Variants in CNTN5 observed in about 807,000 individuals in gnomAD.
The protein encoded by CNTN5 is contactin-5.
A neutral mutation model predicts 129.1 loss-of-function variants in CNTN5; 77 were observed. The ratio of observed to expected loss-of-function variants is 0.60; its 90% CI spans 0.50 to 0.72. The LOEUF (loss-of-function observed/expected upper bound fraction) is 0.72, where lower values mean the gene tolerates loss of function less well. Among genes scored for constraint, CNTN5 ranks in the 30% least tolerant of loss-of-function variants. CNTN5 has a pLI of 0.00. For missense variants in CNTN5, 1,478 were observed against 1,328.8 expected, an observed-to-expected ratio of 1.11 and a Z score of -1.75; for synonymous variants, 509 against 465.6, an observed-to-expected ratio of 1.09 and a Z score of -1.20.
At chr11:100,282,065 T>C (rs543279779) in intron 18 of CNTN5, among the ~76,000 whole-genome samples, 1 of 151,562 alleles carries the variant, frequency 6.6e-6, no homozygotes, top group African/African-American at 2.4e-5. Context: ...AGGTCACATA[T>C]CTCCGTTTCT....
chr11:99,792,538 G>GGGGTGT (rs1005923299), intron 3 of CNTN5, among the ~76,000 whole-genome samples: 1 of 127,748 alleles, frequency 7.8e-6, no homozygotes, highest in African/African-American at 3.2e-5. Context: ...CCTGAAGAGG[G>GGGGTGT]GTGTGTGTGT....
intron 1 of CNTN5, among the ~76,000 whole-genome samples, chr11:99,257,402 TTTTACTAGTTTGTCAAACTATCCATC>T (rs1190652719): frequency 5.9e-5 from 9 of 152,058 alleles, no homozygotes; most frequent in Non-Finnish European, 1.3e-4. Flanking sequence ...TTATTGCTCT[TTTTACTAGTTTGTCAAACTATCCATC>T]TTTACTAGTT....
chr11:99,663,927 CA>C (rs1382794455), intron 3 of CNTN5, among the ~76,000 whole-genome samples: 3 of 152,106 alleles, frequency 2.0e-5, no homozygotes, highest in Non-Finnish European at 2.9e-5. Context: ...TAATAGCAAT[CA>C]AAAATTATTA....
At chr11:99,095,116 A>C (rs1866416263) in intron 1 of CNTN5, among the ~76,000 whole-genome samples, 1 of 151,862 alleles carries the variant, frequency 6.6e-6, no homozygotes, top group African/African-American at 2.4e-5. Flanking sequence ...ATTTCTTCTA[A>C]TCCATGCATA....
chr11:99,247,205 T>A (rs1047368494), intron 1 of CNTN5, among the ~76,000 whole-genome samples: 1 of 152,140 alleles, frequency 6.6e-6, no homozygotes, highest in African/African-American at 2.4e-5. Flanking sequence ...GAGGAAGATT[T>A]AAGTATAGAT....
rs376834105 is a variant in CNTN5 at position 99,816,385 on chromosome 11, T to C, written c.56-3159T>C. Among the ~76,000 whole-genome samples, 6 of 152,286 alleles carry C rather than the reference T, an allele frequency of 3.9e-5. No individual in the cohort carries two copies. The East Asian group carries it at 9.7e-4, about 24-fold the overall frequency. On this transcript the variant is annotated intron_variant, in intron 3 of 24. Transcript: ENST00000524871. Reference sequence around the variant, plus strand: ...CTGACGAACCTGCGTCTTCCTTACGTCTGCAGAATCTTAACATCAACATGA... The same window carrying C: ...CTGACGAACCTGCGTCTTCCTTACGCCTGCAGAATCTTAACATCAACATGA...
chr11:99,897,758 C>G (rs1949245396), intron 6 of CNTN5, among the ~76,000 whole-genome samples: 1 of 152,120 alleles, frequency 6.6e-6, no homozygotes, highest in Admixed American at 6.6e-5. Flanking sequence ...AAACAACTAG[C>G]TAACAACACT....
intron 2 of CNTN5, among the ~76,000 whole-genome samples, chr11:99,516,019 C>A (rs1203653692): frequency 1.3e-5 from 2 of 150,308 alleles, no homozygotes; most frequent in Non-Finnish European, 3.0e-5. Context: ...CTAGGTTTTT[C>A]TGACCGCTTA....
At chr11:99,796,809 T>A (rs1945957706) in intron 3 of CNTN5, among the ~76,000 whole-genome samples, 1 of 152,078 alleles carries the variant, frequency 6.6e-6, no homozygotes, top group Non-Finnish European at 1.5e-5. Flanking sequence ...TGCCAAATCC[T>A]CTGGGTGCTA....
intron 1 of CNTN5, among the ~76,000 whole-genome samples, chr11:99,206,487 A>G (rs1859489747): frequency 6.6e-6 from 1 of 152,152 alleles, no homozygotes; most frequent in Non-Finnish European, 1.5e-5. Context: ...CCTGTGCTCT[A>G]CAAGCTGAAG....
At chr11:99,488,307 C>T (rs1382677614) in intron 2 of CNTN5, among the ~76,000 whole-genome samples, 1 of 151,714 alleles carries the variant, frequency 6.6e-6, no homozygotes, top group Non-Finnish European at 1.5e-5. Context: ...TGAGTAGCTG[C>T]AACTATAGGC....
rs1232069155 is a variant in CNTN5 at position 99,942,333 on chromosome 11, TAGGG to T, written c.674-14470_674-14467del. ...TGTTGTGTGGATGATGGAAAGGGCG[TAGGG>T]AGACCATATAATATATATAAATAAT... On this transcript the variant is annotated intron_variant, in intron 7 of 24. Coordinates refer to ENST00000524871, the MANE Select transcript of CNTN5 (RefSeq NM_014361.4). Among the ~76,000 whole-genome samples the T allele has an allele frequency of 6.6e-5, 10 of 151,950 alleles. 1 individual carries two copies. Among genetic ancestry groups the T allele is most frequent in the African/African-American group, 2.4e-4 (10 of 41,460 alleles).
intron 3 of CNTN5, among the ~76,000 whole-genome samples, chr11:99,704,200 A>G (rs1253953162): frequency 1.3e-5 from 2 of 150,836 alleles, no homozygotes; most frequent in Non-Finnish European, 3.0e-5. Flanking sequence ...TTTCCAGAAG[A>G]GTCAATATTC....
At chr11:99,589,897 A>G (rs1949922322) in intron 3 of CNTN5, among the ~76,000 whole-genome samples, 1 of 152,174 alleles carries the variant, frequency 6.6e-6, no homozygotes, top group Admixed American at 6.6e-5. Context: ...GAGCAGAAAA[A>G]TTAAGGTGAG....
chr11:99,297,899 CCAA>C (rs2135937336), intron 1 of CNTN5, among the ~76,000 whole-genome samples: 1 of 152,302 alleles, frequency 6.6e-6, no homozygotes, highest in East Asian at 1.9e-4. Flanking sequence ...CTAACTGGAT[CCAA>C]GCCAGTTCAT....
At chr11:99,781,041 C>A (rs1321268226) in intron 3 of CNTN5, among the ~76,000 whole-genome samples, 1 of 152,036 alleles carries the variant, frequency 6.6e-6, no homozygotes, top group African/African-American at 2.4e-5. Flanking sequence ...ATCATGTTGT[C>A]TTTGTATTTA....
intron 8 of CNTN5, among the ~76,000 whole-genome samples, chr11:99,972,607 T>TA (rs1417103774): frequency 6.6e-6 from 1 of 152,190 alleles, no homozygotes; most frequent in Non-Finnish European, 1.5e-5. Flanking sequence ...CAATGTCTCT[T>TA]AGAGTGTTCA....
rs574822726 is a variant in CNTN5, at chr11:99,310,435, T to A, written c.-209-14911T>A. ...ATTATCAATAAAACACTCTTAAATA[T>A]TGACATAGTCACATAGTGAATTATG... On this transcript the variant is annotated intron_variant, in intron 1 of 24. Coordinates refer to ENST00000524871, the MANE Select transcript of CNTN5 (RefSeq NM_014361.4). Among the ~76,000 whole-genome samples the A allele has an allele frequency of 9.9e-5, 15 of 152,276 alleles. No homozygotes were observed. The South Asian group carries it at 2.3e-3, about 23-fold the overall frequency.
At chr11:100,005,652 C>A (rs61543732) in intron 9 of CNTN5, among the ~76,000 whole-genome samples, 10,553 of 152,054 alleles carry the variant, frequency 0.069, 678 homozygotes, top group African/African-American at 0.16. Context: ...ATGACAACCC[C>A]AAAAAACTTT....
Sources: allele counts gnomAD v4.1 joint callset (sites outside exome capture counted in the v4.1 genomes callset), GRCh38; gene constraint gnomAD v4.1.1; transcripts MANE v1.5; gene names NCBI Gene and HGNC (gene_info 2026-07-23, HGNC 2026-07-21).